The following ALK variants were observed in gnomAD, a reference collection of about 807,000 sequenced individuals.
ALK encodes the protein ALK tyrosine kinase receptor.
Under a neutral mutation model 163.1 loss-of-function variants are expected in ALK, and 74 were observed. That is an observed-to-expected ratio of 0.45 (90% CI 0.38 to 0.55). ALK has a LOEUF of 0.55. Among genes scored for constraint, ALK ranks in the 20% least tolerant of loss-of-function variants. The pLI is 0.00. For missense variants in ALK, 2,063 were observed against 2,105.3 expected (o/e 0.98, Z 0.39); for synonymous variants, 960 against 843.2 (o/e 1.14, Z -2.40).
chr2:29,531,715 T>C (rs1307570708), intron 4 of ALK, among the ~76,000 whole-genome samples, 200 bp downstream of exon 4: 1 of 152,140 alleles, frequency 6.6e-6, no homozygotes, highest in Non-Finnish European at 1.5e-5. Context: ...GAAGGGCCAC[T>C]AGCCAGGGAA....
intron 4 of ALK, among the ~76,000 whole-genome samples, chr2:29,502,934 C>A (rs1301636398): frequency 6.6e-6 from 1 of 152,048 alleles, no homozygotes. Context: ...AATCCAAAAG[C>A]AAAAGATTAA....
chr2:29,844,049 G>C (rs1305098033), intron 1 of ALK, among the ~76,000 whole-genome samples: 1 of 152,168 alleles, frequency 6.6e-6, no homozygotes, highest in African/African-American at 2.4e-5. Context: ...CTGACATATA[G>C]GACTTGGTAA....
chr2:29,206,776 GGT>G lies in ALK; in HGVS notation c.3938+393_3938+394del, dbSNP rs3028218. On this transcript the variant is annotated intron_variant, in intron 26 of 28. Coordinates refer to ENST00000389048, the MANE Select transcript of ALK (RefSeq NM_004304.5). The stretch of plus-strand genomic sequence containing the variant: ...ATGCAACTAAAAGACTCCCTTTATT[GGT>G]GTGTGTGTGTGTGTGTGTGTGTATG... Among the ~76,000 whole-genome samples the G allele has an allele frequency of 9.9e-3, 1,486 of 150,278 alleles. 18 individuals are homozygous for G. Among genetic ancestry groups the G allele is most frequent in the African/African-American group, 0.031 (1,261 of 41,072 alleles).
Position 29,745,732 on chromosome 2 carries a change from G to A in ALK, c.668-28035C>T, listed in dbSNP as rs563910582. Among the ~76,000 whole-genome samples, 5 of 152,240 alleles carry A rather than the reference G, an allele frequency of 3.3e-5. No homozygotes were observed. The South Asian group carries it at 1.0e-3, about 32-fold the overall frequency. On this transcript the variant is annotated intron_variant, in intron 1 of 28. Transcript: ENST00000389048. Reference sequence around the variant, plus strand: ...CTGCCCATGGTTTGCCTCCTTCCTGGCATGTATCCCAACCAATAATTACAC... The same window carrying A: ...CTGCCCATGGTTTGCCTCCTTCCTGACATGTATCCCAACCAATAATTACAC...
chr2:29,764,825 A>G (rs993780934), intron 1 of ALK, among the ~76,000 whole-genome samples: 3 of 152,258 alleles, frequency 2.0e-5, no homozygotes, highest in African/African-American at 4.8e-5. Context: ...TTGGTTATTG[A>G]TATGATTTGG....
chr2:29,895,577 G>C (rs970103480), intron 1 of ALK, among the ~76,000 whole-genome samples: 2 of 152,170 alleles, frequency 1.3e-5, no homozygotes, highest in African/African-American at 4.8e-5. Flanking sequence ...CCCACAGAAA[G>C]GAAACAATGC....
Position 29,213,329 on chromosome 2 carries a change from A to G in ALK, c.3743+655T>C, listed in dbSNP as rs1217550750. Among the ~76,000 whole-genome samples the G allele has an allele frequency of 4.6e-5, 7 of 152,370 alleles. No homozygotes were observed. The East Asian group carries it at 1.3e-3, about 29-fold the overall frequency. On this transcript the variant is annotated intron_variant, in intron 24 of 28. Transcript: ENST00000389048. ...ATGATTGTAATAGAAGAAACTAAGT[A>G]TAGAAGCAATGAAAATCATCTTTAT...
rs965516957 is a variant in ALK at position 29,199,156 on chromosome 2, G to A, written c.3939-1480C>T. Among the ~76,000 whole-genome samples, 6 of 152,154 alleles carry A rather than the reference G, an allele frequency of 3.9e-5. No homozygotes were observed. The East Asian group carries it at 1.2e-3, about 29-fold the overall frequency. On this transcript the variant is annotated intron_variant, in intron 26 of 28. Coordinates refer to ENST00000389048, the MANE Select transcript of ALK (RefSeq NM_004304.5). ...TTTAGTAGAGACAGGGTTTCGTCAT[G>A]TTGGCCAGGCTGGTCTTGAACTCCT...
chr2:29,565,142 T>C (rs1200142167), intron 3 of ALK, among the ~76,000 whole-genome samples: 2 of 152,372 alleles, frequency 1.3e-5, no homozygotes, highest in Admixed American at 6.5e-5. Context: ...TTTGGGGTCA[T>C]GAAGTGACAT....
intron 4 of ALK, among the ~76,000 whole-genome samples, chr2:29,485,412 T>C (rs1412464783): frequency 6.6e-6 from 1 of 152,262 alleles, no homozygotes; most frequent in Non-Finnish European, 1.5e-5. Context: ...TTCTTTTCCA[T>C]ATCTACCTGT....
chr2:29,681,736 A>C (rs1429103933), intron 3 of ALK, among the ~76,000 whole-genome samples: 4 of 149,808 alleles, frequency 2.7e-5, no homozygotes, highest in Non-Finnish European at 5.9e-5. Context: ...TTTCACCTAC[A>C]ACCCCCCTGG....
chr2:29,210,956 A>T (rs1669450988), intron 24 of ALK, among the ~76,000 whole-genome samples: 1 of 152,164 alleles, frequency 6.6e-6, no homozygotes. Flanking sequence ...CAGCCAGAAG[A>T]AGTCTGGGAT....
At chr2:29,868,049 G>C (rs563962091) in intron 1 of ALK, among the ~76,000 whole-genome samples, 1 of 152,334 alleles carries the variant, frequency 6.6e-6, no homozygotes, top group South Asian at 2.1e-4. Context: ...TCAAAGCCTT[G>C]AGATCATGCC....
intron 23 of ALK, among the ~76,000 whole-genome samples, chr2:29,214,369 C>T (rs899132623): frequency 4.6e-5 from 7 of 152,110 alleles, no homozygotes; most frequent in Non-Finnish European, 7.4e-5. Flanking sequence ...ACCCAGACTC[C>T]GGGAAGCTAG....
chr2:29,226,892 C>T (rs1238227165), intron 18 of ALK, 30 bp downstream of exon 18: 2 of 1,613,518 alleles, frequency 1.2e-6, no homozygotes, highest in Non-Finnish European at 1.7e-6. Context: ...GCTATGGGCC[C>T]CTCTGCCTCC....
chr2:29,349,344 T>C (rs1448410628), intron 5 of ALK, among the ~76,000 whole-genome samples: 1 of 152,206 alleles, frequency 6.6e-6, no homozygotes, highest in Non-Finnish European at 1.5e-5. Flanking sequence ...CCTCTGTTTG[T>C]TTGTAGCCTC....
intron 20 of ALK, 70 bp downstream of exon 20, chr2:29,223,272 G>T (rs2148170396): frequency 9.0e-6 from 14 of 1,554,656 alleles, no homozygotes; most frequent in Non-Finnish European, 1.2e-5. Context: ...AGAGGAGTCT[G>T]CGGTGCTGTG....
At chr2:29,293,336 C>A (rs1666088833) in intron 9 of ALK, among the ~76,000 whole-genome samples, 1 of 152,222 alleles carries the variant, frequency 6.6e-6, no homozygotes, top group East Asian at 1.9e-4. Flanking sequence ...ATTTATTGGG[C>A]ATACTACATG....
At chr2:29,212,179 C>T (rs555887726) in intron 24 of ALK, among the ~76,000 whole-genome samples, 15 of 152,216 alleles carry the variant, frequency 9.9e-5, no homozygotes, top group Middle Eastern at 3.4e-3. Flanking sequence ...CCAGGTGACG[C>T]GGGTTGCTCT....
Sources: allele counts gnomAD v4.1 joint callset (sites outside exome capture counted in the v4.1 genomes callset), GRCh38; gene constraint gnomAD v4.1.1; transcripts MANE v1.5; gene names NCBI Gene and HGNC (gene_info 2026-07-23, HGNC 2026-07-21).